Variants in PAGE5 observed in about 807,000 individuals in gnomAD.
The protein encoded by PAGE5 is P antigen family member 5.
Under a neutral mutation model 8.1 loss-of-function variants are expected in PAGE5, and 8 were observed. The observed-to-expected ratio is 0.98, with a 90% CI of 0.58 to 1.77. The LOEUF is 1.77. Ranked by LOEUF, PAGE5 falls within the 40% of genes most tolerant of loss-of-function variation. The pLI is 0.00. For synonymous variants in PAGE5, 30 were observed against 27.0 expected (o/e 1.11, Z -0.35); for missense variants, 64 against 77.6 (o/e 0.82, Z 0.66).
intron 1 of PAGE5, among the ~76,000 whole-genome samples, chrX:55,220,959 T>C (rs1479158211): frequency 1.8e-5 from 2 of 110,972 alleles, no homozygotes; most frequent in African/African-American, 3.3e-5. Flanking sequence ...TGGAAAGGAA[T>C]GGTTGAGGCT....
intron 4 of PAGE5, 32 bp from the exon 5 acceptor site, chrX:55,223,955 T>C: frequency 9.1e-7 from 1 of 1,094,390 alleles, no homozygotes. Flanking sequence ...ATCTGCTGAA[T>C]AACGTGCTCT....
At chrX:55,223,106 A>C (rs749936898) in intron 4 of PAGE5, among the ~76,000 whole-genome samples, 3 of 112,623 alleles carry the variant, frequency 2.7e-5, no homozygotes, top group South Asian at 7.3e-4. Context: ...GAAATAATGC[A>C]TATATTAATT....
rs200895987 is a variant in PAGE5, at chrX:55,222,156, T to TTTTTG, written c.190+301_190+305dup. Among the ~76,000 whole-genome samples, 135 of 112,377 alleles carry TTTTTG rather than the reference T, an allele frequency of 1.2e-3. 2 individuals are homozygous for TTTTTG. In the East Asian group the frequency reaches 0.034, roughly 29 times the overall value. ...TATGGTTTGTTCAGCTATTTTCTGT[T>TTTTTG]TTTTGTTTTGTTTTGTTTTGTTTTA... On this transcript the variant is annotated intron_variant, in intron 3 of 4. Transcript: ENST00000374955.
intron 4 of PAGE5, 32 bp downstream of exon 4, chrX:55,222,778 G>T (rs962762288): frequency 8.4e-7 from 1 of 1,188,617 alleles, no homozygotes; most frequent in Non-Finnish European, 1.1e-6. Context: ...AAATTATAGG[G>T]TTTCTATTTT....
intron 1 of PAGE5, among the ~76,000 whole-genome samples, chrX:55,221,144 C>A (rs780877034): frequency 9.0e-6 from 1 of 111,143 alleles, no homozygotes; most frequent in East Asian, 2.8e-4. Context: ...CAGAAAAGTC[C>A]TCTGTCTTTT....
Position 55,220,640 on chromosome X carries a change from C to T in PAGE5, c.-9+188C>T, listed in dbSNP as rs201638083. The T allele has an allele frequency of 3.9e-5, 47 of 1,199,143 alleles. No homozygotes were observed. The highest frequency in any genetic ancestry group is 1.1e-4 in the South Asian group (6 of 54,930). Reference sequence around the variant, plus strand: ...GCCGGTAATCGTGGCTGGGCTGGAACGAGGGAGGAAGGTAGGCCGTGGAGG... The same window carrying T: ...GCCGGTAATCGTGGCTGGGCTGGAATGAGGGAGGAAGGTAGGCCGTGGAGG... On this transcript the variant is annotated intron_variant, in intron 1 of 4. Coordinates refer to ENST00000374955, the MANE Select transcript of PAGE5 (RefSeq NM_001013435.3).
chrX:55,222,442 C>A (rs1170269879), intron 3 of PAGE5, among the ~76,000 whole-genome samples, 179 bp from the exon 4 acceptor site: 1 of 112,120 alleles, frequency 8.9e-6, no homozygotes, highest in Non-Finnish European at 1.9e-5. Context: ...TGTCTAGGGC[C>A]AGCCTTGGGA....
chrX:55,221,620 G>A (rs1937892811), intron 2 of PAGE5, 147 bp from the exon 3 acceptor site: 3 of 889,785 alleles, frequency 3.4e-6, no homozygotes, highest in Non-Finnish European at 4.7e-6. Context: ...ATTATATTCT[G>A]GTGTTGCCTT....
rs1937907574 is a variant in PAGE5, at chrX:55,222,610, T to C, written c.191-11T>C. 1 of 1,202,424 alleles carries C rather than the reference T, an allele frequency of 8.3e-7. No homozygotes were observed. Among genetic ancestry groups the C allele is most frequent in the African/African-American group, 1.7e-5 (1 of 57,671 alleles). ...TTTTAATTCGTAAATTGACGACTTT[T>C]TATCTTTAAGGGACTGATGTGGAAG... On this transcript the variant is annotated splice_polypyrimidine_tract_variant and intron_variant, in intron 3 of 4. Coordinates refer to ENST00000374955, the MANE Select transcript of PAGE5 (RefSeq NM_001013435.3).
At chrX:55,220,628 GC>G (rs1937878603) in intron 1 of PAGE5, 176 bp downstream of exon 1, 25 of 1,203,115 alleles carry the variant, frequency 2.1e-5, no homozygotes, top group Non-Finnish European at 2.7e-5. Flanking sequence ...GGTAATCGTG[GC>G]TGGGCTGGAA....
rs1937873037 is a variant in PAGE5, at chrX:55,220,379, T to A, written c.-82T>A. On this transcript the variant is annotated 5_prime_UTR_variant, in exon 1 of 5. Transcript: ENST00000374955. ...TAGGCAGAGCTCTGCAAGGAGAGGT[T>A]GTGTCTTCGTTCTTTCCGCCATCTT... The A allele has an allele frequency of 1.2e-5, 5 of 415,571 alleles. No homozygotes were observed. Among genetic ancestry groups the A allele is most frequent in the Non-Finnish European group, 4.3e-6 (1 of 232,289 alleles). 34.2% of individuals were successfully genotyped at this position (415,571 alleles called of 1,213,427 possible). A position where few individuals can be genotyped will look rare whatever the true frequency, so the allele number is the denominator to read the frequency against.
Position 55,221,980 on chromosome X carries a change from A to T in PAGE5, c.190+105A>T, listed in dbSNP as rs1326747451. On this transcript the variant is annotated intron_variant, in intron 3 of 4. Coordinates refer to ENST00000374955, the MANE Select transcript of PAGE5 (RefSeq NM_001013435.3). ...GGAGGACAGAAAACATTAGGAAGGA[A>T]TCTTAAACATTTCTTACTGCTGCTG... 4.6e-6 allele frequency: 4 copies of T among 866,020 alleles called. No individual in the cohort carries two copies. The African/African-American group carries it at 8.1e-5, about 18-fold the overall frequency. 71.4% of individuals were successfully genotyped at this position (866,020 alleles called of 1,213,427 possible).
chrX:55,223,937 A>G (rs1937926071), intron 4 of PAGE5, 50 bp from the exon 5 acceptor site: 1 of 1,037,221 alleles, frequency 9.6e-7, no homozygotes, highest in Admixed American at 2.6e-5. Flanking sequence ...AGTGTCATCT[A>G]AATAGAAATC....
At chrX:55,221,224 G>C (rs1354934980) in intron 1 of PAGE5, 151 bp from the exon 2 acceptor site, 42 of 503,962 alleles carry the variant, frequency 8.3e-5, no homozygotes, top group Non-Finnish European at 7.1e-5. Flanking sequence ...TAGTTTGATT[G>C]GAAAGCATGC....
chrX:55,223,948 TG>T, intron 4 of PAGE5, 38 bp from the exon 5 acceptor site: 1 of 1,076,736 alleles, frequency 9.3e-7, no homozygotes, highest in Non-Finnish European at 1.3e-6. Flanking sequence ...AATAGAAATC[TG>T]CTGAATAACG....
chrX:55,222,231 G>A (rs1347104593), intron 3 of PAGE5, among the ~76,000 whole-genome samples: 1 of 111,712 alleles, frequency 9.0e-6, no homozygotes, highest in Non-Finnish European at 1.9e-5. Flanking sequence ...TGCCATCTGC[G>A]GACATCTCTC....
chrX:55,221,150 C>G (rs1485956058), intron 1 of PAGE5, among the ~76,000 whole-genome samples: 2 of 111,354 alleles, frequency 1.8e-5, no homozygotes, highest in African/African-American at 6.5e-5. Context: ...AGTCCTCTGT[C>G]TTTTGCTATG....
intron 1 of PAGE5, 154 bp downstream of exon 1, chrX:55,220,606 G>A (rs1937878035): frequency 1.5e-5 from 18 of 1,199,895 alleles, no homozygotes; most frequent in Non-Finnish European, 2.0e-5. Context: ...CCTGATGCAG[G>A]CGCCATGGGC....
chrX:55,222,630 T>C lies in PAGE5; in HGVS notation c.200T>C (p.Val67Ala), dbSNP rs1937908170. Residue 67 changes from valine to alanine, a missense_variant, in exon 4 of 5, where the codon GTG becomes GCG. Transcript: ENST00000374955. ...EGAPAVQGTD[V>A]EAFQQELALL... ...ACTTTTTATCTTTAAGGGACTGATGTGGAAGCTTTTCAACAGGAACTGGCT... is the reference window on the plus strand; with the variant it reads ...ACTTTTTATCTTTAAGGGACTGATGCGGAAGCTTTTCAACAGGAACTGGCT... The C allele has an allele frequency of 8.3e-7, 1 of 1,207,301 alleles. No individual in the cohort carries two copies. The highest frequency in any genetic ancestry group is 1.7e-5 in the African/African-American group (1 of 57,738).
Sources: allele counts gnomAD v4.1 joint callset (sites outside exome capture counted in the v4.1 genomes callset), GRCh38; gene constraint gnomAD v4.1.1; transcripts MANE v1.5; gene names NCBI Gene and HGNC (gene_info 2026-07-23, HGNC 2026-07-21).